Variants in ANOS1 observed in about 807,000 individuals in gnomAD.
The protein encoded by ANOS1 is anosmin 1, also known as anosmin-1.
A neutral mutation model predicts 59.0 loss-of-function variants in ANOS1; 6 were observed. That is an observed-to-expected ratio of 0.10 (90% CI 0.06 to 0.20). The LOEUF is 0.20. Ranked by LOEUF, ANOS1 falls within the 10% of genes least tolerant of loss-of-function variation. ANOS1 has a pLI of 1.00. For missense variants in ANOS1, 433 were observed against 542.3 expected, an observed-to-expected ratio of 0.80 and a Z score of 2.00; for synonymous variants, 217 against 223.4, an observed-to-expected ratio of 0.97 and a Z score of 0.25.
At chrX:8,645,095 A>G (rs1404103381) in intron 2 of ANOS1, among the ~76,000 whole-genome samples, 1 of 112,391 alleles carries the variant, frequency 8.9e-6, no homozygotes, top group African/African-American at 3.2e-5. Context: ...CCTTAACATT[A>G]TATTAGATGG....
At chrX:8,725,137 T>TA (rs2146913606) in intron 1 of ANOS1, among the ~76,000 whole-genome samples, 1 of 111,919 alleles carries the variant, frequency 8.9e-6, no homozygotes, top group South Asian at 3.7e-4. Flanking sequence ...ATTTCATAAA[T>TA]AAAAATGCCT....
intron 1 of ANOS1, among the ~76,000 whole-genome samples, chrX:8,700,068 T>A (rs1002216888): frequency 1.8e-5 from 2 of 112,229 alleles, no homozygotes; most frequent in Non-Finnish European, 3.8e-5. Context: ...GTTCCGCCAA[T>A]AGTCAGCAGT....
chrX:8,673,233 G>A (rs921669871), intron 2 of ANOS1, among the ~76,000 whole-genome samples: 8 of 108,644 alleles, frequency 7.4e-5, no homozygotes, highest in African/African-American at 1.3e-4. Flanking sequence ...TTCCATGCAC[G>A]GCAAACAACT....
intron 6 of ANOS1, among the ~76,000 whole-genome samples, chrX:8,584,822 G>A (rs1023670585): frequency 2.7e-5 from 3 of 112,026 alleles, no homozygotes; most frequent in African/African-American, 9.7e-5. Flanking sequence ...AATGACTCAG[G>A]AGGGGTTTAA....
chrX:8,538,377 T>C (rs1929630693), intron 10 of ANOS1, among the ~76,000 whole-genome samples: 1 of 111,883 alleles, frequency 8.9e-6, no homozygotes, highest in Non-Finnish European at 1.9e-5. Context: ...GATCTAAAGG[T>C]TTAAAACTAA....
intron 1 of ANOS1, among the ~76,000 whole-genome samples, chrX:8,702,994 T>C (rs1452883663): frequency 8.9e-6 from 1 of 112,379 alleles, no homozygotes; most frequent in Non-Finnish European, 1.9e-5. Flanking sequence ...CCTTCCCTTC[T>C]GGATGTTTCT....
Position 8,532,970 on chromosome X carries a change from A to G in ANOS1, c.*25T>C, listed in dbSNP as rs1178342040. The G allele has an allele frequency of 3.9e-6, 4 of 1,034,449 alleles. No homozygotes were observed. Among genetic ancestry groups the G allele is most frequent in the Non-Finnish European group, 4.1e-6 (3 of 734,182 alleles). 85.3% of individuals were successfully genotyped at this position (1,034,449 alleles called of 1,213,427 possible). On this transcript the variant is annotated 3_prime_UTR_variant, in exon 14 of 14. Coordinates refer to ENST00000262648, the MANE Select transcript of ANOS1 (RefSeq NM_000216.4). ...TTCAACAAGCTTACACATCTGTGCAATTTCACAAAATCTTTTTGAACAGTT... is the reference window on the plus strand; with the variant it reads ...TTCAACAAGCTTACACATCTGTGCAGTTTCACAAAATCTTTTTGAACAGTT...
intron 8 of ANOS1, among the ~76,000 whole-genome samples, chrX:8,557,285 C>T (rs1415964451): frequency 3.6e-5 from 4 of 112,032 alleles, no homozygotes; most frequent in African/African-American, 1.3e-4. Flanking sequence ...ATGACTAAAA[C>T]ACCAAAAGCA....
chrX:8,694,594 G>A (rs1167351176), intron 2 of ANOS1, among the ~76,000 whole-genome samples: 1 of 112,181 alleles, frequency 8.9e-6, no homozygotes, highest in Non-Finnish European at 1.9e-5. Flanking sequence ...ACTTGAGCCT[G>A]GAAGGCAGAG....
intron 4 of ANOS1, among the ~76,000 whole-genome samples, chrX:8,589,421 A>G (rs1930577708): frequency 8.9e-6 from 1 of 111,820 alleles, no homozygotes; most frequent in Non-Finnish European, 1.9e-5. Context: ...GAATCTAAGG[A>G]ATATTAAATT....
chrX:8,595,492 C>T (rs779867100), intron 4 of ANOS1, among the ~76,000 whole-genome samples: 2 of 111,210 alleles, frequency 1.8e-5, no homozygotes, highest in South Asian at 7.5e-4. Flanking sequence ...CAAGTGGGAG[C>T]TAAAGGAAGA....
intron 3 of ANOS1, among the ~76,000 whole-genome samples, chrX:8,612,551 G>GGT (rs751793587): frequency 0.017 from 1,019 of 60,811 alleles, 9 homozygotes; most frequent in Middle Eastern, 0.074. Flanking sequence ...AAAACAAGAA[G>GGT]TTTTTTTTTT....
chrX:8,679,141 T>A (rs1348723443), intron 2 of ANOS1, among the ~76,000 whole-genome samples: 2 of 111,683 alleles, frequency 1.8e-5, no homozygotes, highest in African/African-American at 6.5e-5. Context: ...TATAAAATCA[T>A]GGGTTCATAT....
At chrX:8,559,639 C>T (rs1266691614) in intron 8 of ANOS1, among the ~76,000 whole-genome samples, 1 of 111,354 alleles carries the variant, frequency 9.0e-6, no homozygotes, top group African/African-American at 3.3e-5. Flanking sequence ...CTCTCTTGTG[C>T]CATTCCTAAT....
rs1331668232 is a variant in ANOS1, at chrX:8,710,607, A to G, written c.208-10862T>C. Among the ~76,000 whole-genome samples the G allele has an allele frequency of 2.7e-5, 3 of 111,805 alleles. No homozygotes were observed. The Admixed American group carries it at 2.9e-4, about 11-fold the overall frequency. ...AAGACAAATGTAACTCGTTAATGAC[A>G]TGTCATTGTCTCATAATACAGGGAA... On this transcript the variant is annotated intron_variant, in intron 1 of 13. Coordinates refer to ENST00000262648, the MANE Select transcript of ANOS1 (RefSeq NM_000216.4).
In ANOS1 at chrX:8,587,846, T is replaced by G. The variant is rs1384855174; in HGVS notation, c.674A>C (p.Tyr225Ser). ...GTCATCTTCGCTAGGATGGATTCCA[T>G]AATTCCATCTTCTTTGTACCACATA... ...VIYVVQRRWN[Y>S]GIHPSEDDAT... The change falls in exon 5 of 14, where the codon TAT becomes TCT. Residue 225 changes from tyrosine (Y) to serine (S), a missense_variant. Tyr to Ser is a moderately radical substitution (Grantham distance 144, BLOSUM62 -2). Coordinates refer to ENST00000262648, the MANE Select transcript of ANOS1 (RefSeq NM_000216.4). The G allele has an allele frequency of 1.7e-6, 2 of 1,206,632 alleles. No homozygotes were observed. The highest frequency in any genetic ancestry group is 2.3e-4 in the Middle Eastern group (1 of 4,343).
intron 3 of ANOS1, among the ~76,000 whole-genome samples, chrX:8,604,771 T>A (rs992514396): frequency 5.3e-5 from 6 of 112,543 alleles, no homozygotes; most frequent in African/African-American, 1.9e-4. Flanking sequence ...TATTTCAGGA[T>A]GCTCAAAATT....
rs199725550 is a variant in ANOS1 at position 8,597,121 on chromosome X, C to T, written c.454G>A (p.Glu152Lys). Residue 152 changes from glutamate to lysine, a missense_variant, in exon 4 of 14, where the codon GAA becomes AAA. Glu to Lys is a moderately conservative substitution (Grantham distance 56). Transcript: ENST00000262648. The stretch of plus-strand genomic sequence containing the variant: ...ACCCCAGAGCACTCATTGTCAACTT[C>T]GCAGCTTTCAACACAGGCGGCCGCA... ...GFAAACVESC[E>K]VDNECSGVKK... 5 of 1,209,697 alleles carry T rather than the reference C, an allele frequency of 4.1e-6. No homozygotes were observed. The highest frequency in any genetic ancestry group is 5.6e-6 in the Non-Finnish European group (5 of 895,278).
intron 2 of ANOS1, among the ~76,000 whole-genome samples, chrX:8,624,173 A>G (rs1202315163): frequency 2.8e-5 from 3 of 107,130 alleles, no homozygotes; most frequent in Non-Finnish European, 5.8e-5. Context: ...CTGCCACCAC[A>G]CCGGGCTAAT....
Sources: allele counts gnomAD v4.1 joint callset (sites outside exome capture counted in the v4.1 genomes callset), GRCh38; gene constraint gnomAD v4.1.1; transcripts MANE v1.5; gene names NCBI Gene and HGNC (gene_info 2026-07-23, HGNC 2026-07-21).